Variants in CYB5B observed in about 807,000 individuals in gnomAD.
CYB5B encodes the protein cytochrome b5 type B, also known as cytochrome b5 type B (outer mitochondrial membrane).
A neutral mutation model predicts 21.3 loss-of-function variants in CYB5B; 14 were observed. The observed-to-expected ratio is 0.66, with a 90% CI of 0.43 to 1.03. The LOEUF (loss-of-function observed/expected upper bound fraction) is 1.03, where lower values mean the gene tolerates loss of function less well. Ranked by LOEUF, CYB5B falls within the 50% of genes least tolerant of loss-of-function variation. The pLI, the probability that CYB5B is intolerant of heterozygous loss-of-function variation, is 0.00. For missense variants in CYB5B, 166 were observed against 185.1 expected (o/e 0.90, Z 0.60); for synonymous variants, 69 against 68.4 (o/e 1.01, Z -0.04).
intron 1 of CYB5B, among the ~76,000 whole-genome samples, chr16:69,432,469 T>G (rs904759190): frequency 6.6e-6 from 1 of 152,230 alleles, no homozygotes; most frequent in African/African-American, 2.4e-5. Flanking sequence ...TAGGCTAAAC[T>G]CTTTCAATCC....
intron 4 of CYB5B, among the ~76,000 whole-genome samples, chr16:69,459,801 A>G (rs2015016725): frequency 2.0e-5 from 3 of 152,186 alleles, no homozygotes; most frequent in African/African-American, 7.2e-5. Flanking sequence ...CCCATAAAGT[A>G]TCAGATCTAT....
chr16:69,456,553 T>C (rs1189716337), intron 3 of CYB5B, among the ~76,000 whole-genome samples: 2 of 152,192 alleles, frequency 1.3e-5, no homozygotes, highest in Non-Finnish European at 2.9e-5. Context: ...TGGAAGAACT[T>C]TGGATTTGAT....
intron 1 of CYB5B, among the ~76,000 whole-genome samples, chr16:69,441,032 G>T (rs1429569091): frequency 6.6e-6 from 1 of 151,868 alleles, no homozygotes; most frequent in African/African-American, 2.4e-5. Context: ...AAATGATAGA[G>T]ATCCTTTGTA....
At chr16:69,427,678 C>A (rs1193830294) in intron 1 of CYB5B, among the ~76,000 whole-genome samples, 1 of 152,050 alleles carries the variant, frequency 6.6e-6, no homozygotes, top group Non-Finnish European at 1.5e-5. Flanking sequence ...CGACGCCTGG[C>A]TAATTTTTAA....
intron 1 of CYB5B, among the ~76,000 whole-genome samples, chr16:69,426,093 T>C (rs2014642843): frequency 6.6e-6 from 1 of 152,204 alleles, no homozygotes; most frequent in Non-Finnish European, 1.5e-5. Flanking sequence ...GTGTATGGCA[T>C]TTTATGCTTT....
chr16:69,424,923 T>A, intron 1 of CYB5B, 66 bp downstream of exon 1: 2 of 1,397,836 alleles, frequency 1.4e-6, no homozygotes, highest in Non-Finnish European at 1.9e-6. Flanking sequence ...CTGTGTGGAG[T>A]GTATGTGGGA....
intron 3 of CYB5B, among the ~76,000 whole-genome samples, chr16:69,456,218 T>G (rs2014982970): frequency 2.0e-5 from 3 of 152,142 alleles, no homozygotes; most frequent in African/African-American, 7.2e-5. Context: ...TAGCTCACTA[T>G]AGCCTTGAAC....
intron 3 of CYB5B, chr16:69,449,860 C>A (rs150754503): frequency 6.6e-6 from 1 of 152,248 alleles, no homozygotes; most frequent in East Asian, 1.9e-4. Context: ...TAATTCTCTT[C>A]TGTGGTAAGC....
chr16:69,446,820 AAC>A (rs1197862104), intron 1 of CYB5B, among the ~76,000 whole-genome samples: 2 of 152,180 alleles, frequency 1.3e-5, no homozygotes, highest in African/African-American at 2.4e-5. Flanking sequence ...TTCAATCTGG[AAC>A]AGTTTCTTCA....
At chr16:69,455,574 A>AT (rs780686988) in intron 3 of CYB5B, among the ~76,000 whole-genome samples, 6 of 150,626 alleles carry the variant, frequency 4.0e-5, no homozygotes, top group African/African-American at 9.8e-5. Context: ...TGCCCAGCTA[A>AT]TTTTTGTATT....
intron 1 of CYB5B, among the ~76,000 whole-genome samples, chr16:69,445,456 A>G (rs1312561693): frequency 1.3e-5 from 2 of 152,250 alleles, no homozygotes; most frequent in East Asian, 3.8e-4. Flanking sequence ...ATTTATTTAA[A>G]ATAGGAATGA....
rs562893954 is a variant in CYB5B, at chr16:69,465,602, T to C, written c.*3082T>C. 9.2e-5 allele frequency: 14 copies of C among 152,374 alleles called. No homozygotes were observed. In the South Asian group the frequency reaches 2.3e-3, roughly 25 times the overall value. 9.4% of individuals were successfully genotyped at this position (152,374 alleles called of 1,614,324 possible). On this transcript the variant is annotated 3_prime_UTR_variant, in exon 5 of 5. Transcript: ENST00000307892. ...AATCAGAACACTGTCGAGTTTATAC[T>C]CATTTAGCTGCAATGTGGGACAATG...
rs978485564 is a variant in CYB5B at position 69,466,104 on chromosome 16, A to G, written c.*3584A>G. 1.0e-4 allele frequency: 16 copies of G among 152,542 alleles called. No individual in the cohort carries two copies. The highest frequency in any genetic ancestry group is 1.9e-4 in the Non-Finnish European group (13 of 68,014). 9.4% of individuals were successfully genotyped at this position (152,542 alleles called of 1,614,324 possible). A position where few individuals can be genotyped will look rare whatever the true frequency, so the allele number is the denominator to read the frequency against. On this transcript the variant is annotated 3_prime_UTR_variant, in exon 5 of 5. Transcript: ENST00000307892. ...TTTTTTTTTAACTTCACCTTTGACT[A>G]TGAACAAGTAACGGTAACATTCCTT...
At chr16:69,448,483 A>G (rs1187411130) in intron 3 of CYB5B, 3 of 233,726 alleles carry the variant, frequency 1.3e-5, no homozygotes, top group Non-Finnish European at 2.5e-5. Context: ...AGTGATAATA[A>G]TTGTTTCTGT....
At chr16:69,459,755 C>T (rs1192672201) in intron 4 of CYB5B, among the ~76,000 whole-genome samples, 2 of 151,974 alleles carry the variant, frequency 1.3e-5, no homozygotes, top group Admixed American at 6.6e-5. Flanking sequence ...TTGGACATCT[C>T]GAAGTATTTC....
At chr16:69,460,022 G>A (rs746999152) in intron 4 of CYB5B, among the ~76,000 whole-genome samples, 4 of 152,048 alleles carry the variant, frequency 2.6e-5, no homozygotes, top group East Asian at 3.8e-4. Flanking sequence ...AGGCTGAGGC[G>A]GGTGGATCAT....
intron 4 of CYB5B, chr16:69,459,389 G>A (rs150365590): frequency 1.4e-4 from 52 of 375,578 alleles, no homozygotes; most frequent in African/African-American, 1.1e-3. Flanking sequence ...TCAGTAAGAG[G>A]CCAGGATGCA....
intron 1 of CYB5B, among the ~76,000 whole-genome samples, chr16:69,434,817 C>G (rs1296689775): frequency 6.8e-6 from 1 of 147,100 alleles, no homozygotes; most frequent in African/African-American, 2.5e-5. Flanking sequence ...GAGCTGAGAT[C>G]GCGCCACTGC....
intron 4 of CYB5B, among the ~76,000 whole-genome samples, chr16:69,461,213 AAAAG>A (rs1409041363): frequency 4.3e-4 from 65 of 151,956 alleles, no homozygotes; most frequent in African/African-American, 9.4e-4. Flanking sequence ...AAAAAAAAAA[AAAAG>A]AAAGAAAGAA....
Sources: allele counts gnomAD v4.1 joint callset (sites outside exome capture counted in the v4.1 genomes callset), GRCh38; gene constraint gnomAD v4.1.1; transcripts MANE v1.5; gene names NCBI Gene and HGNC (gene_info 2026-07-23, HGNC 2026-07-21).